Variants in ANXA4 observed in about 807,000 individuals in gnomAD.
The protein encoded by ANXA4 is annexin A4.
A neutral mutation model predicts 49.8 loss-of-function variants in ANXA4; 39 were observed. That is an observed-to-expected ratio of 0.78 (90% CI 0.61 to 1.02). The LOEUF is 1.02. ANXA4 is among the 50% of genes least tolerant of loss of function. The pLI, the probability that ANXA4 is intolerant of heterozygous loss-of-function variation, is 0.00. For missense variants in ANXA4, 360 were observed against 410.1 expected (o/e 0.88, Z 1.05); for synonymous variants, 134 against 152.5 (o/e 0.88, Z 0.89).
intron 2 of ANXA4, among the ~76,000 whole-genome samples, chr2:69,676,754 G>T (rs1012816613): frequency 6.6e-6 from 1 of 152,088 alleles, no homozygotes; most frequent in African/African-American, 2.4e-5. Context: ...TTAGCTGGGC[G>T]TGGTGGCGCA....
At chr2:69,714,778 G>C (rs556667664) in intron 2 of ANXA4, among the ~76,000 whole-genome samples, 1 of 152,318 alleles carries the variant, frequency 6.6e-6, no homozygotes, top group South Asian at 2.1e-4. Context: ...CGTTGGGCAG[G>C]TCTAGGTTCA....
At chr2:69,702,938 A>C (rs938853730) in intron 2 of ANXA4, among the ~76,000 whole-genome samples, 1 of 152,226 alleles carries the variant, frequency 6.6e-6, no homozygotes, top group Non-Finnish European at 1.5e-5. Context: ...TCATAACAGT[A>C]TTATAAATAA....
chr2:69,652,358 C>T (rs1488831079), intron 1 of ANXA4, among the ~76,000 whole-genome samples: 3 of 152,212 alleles, frequency 2.0e-5, no homozygotes. Flanking sequence ...AGAATCTTCT[C>T]ATAAACCTAT....
At chr2:69,648,653 G>A (rs201442818) in intron 1 of ANXA4, among the ~76,000 whole-genome samples, 10 of 151,732 alleles carry the variant, frequency 6.6e-5, no homozygotes, top group Admixed American at 3.9e-4. Flanking sequence ...GTGAAACCCC[G>A]TCTCTATTAA....
rs13405663 is a variant in ANXA4, at chr2:69,730,014, G to A, written n.864+9143G>A. Among the ~76,000 whole-genome samples the A allele has an allele frequency of 1.8e-3, 271 of 152,248 alleles. 1 individual carries two copies. The highest frequency in any genetic ancestry group is 6.2e-3 in the African/African-American group (259 of 41,546). On this transcript the variant is annotated intron_variant and non_coding_transcript_variant, in intron 3 of 3. Transcript: ENST00000418066. ...TTCCAGGGTAACAGAGCTAGAGACC[G>A]TGCCCTTTATTCCCTGAAGATTTGC...
chr2:69,658,000 T>C (rs1195625781), intron 2 of ANXA4, among the ~76,000 whole-genome samples: 1 of 152,054 alleles, frequency 6.6e-6, no homozygotes, highest in Non-Finnish European at 1.5e-5. Context: ...TTCTTTGCAC[T>C]CCTGAAATAT....
chr2:69,709,566 C>T (rs1049257346), intron 2 of ANXA4, among the ~76,000 whole-genome samples: 9 of 152,156 alleles, frequency 5.9e-5, no homozygotes, highest in African/African-American at 2.2e-4. Flanking sequence ...AGTCACTGAA[C>T]GTAACATCAA....
chr2:69,660,197 C>G (rs1309761135), intron 2 of ANXA4, among the ~76,000 whole-genome samples: 1 of 152,142 alleles, frequency 6.6e-6, no homozygotes, highest in Admixed American at 6.6e-5. Context: ...AAAACCCAGA[C>G]CTGCTTTTCA....
intron 8 of ANXA4, 64 bp from the exon 9 acceptor site, chr2:69,816,037 A>G: frequency 1.5e-6 from 2 of 1,312,566 alleles, no homozygotes; most frequent in Non-Finnish European, 2.2e-6. Flanking sequence ...GCTTCTGGAA[A>G]TATTTGCCTG....
chr2:69,666,513 G>A (rs1355906245), intron 2 of ANXA4, among the ~76,000 whole-genome samples: 1 of 152,168 alleles, frequency 6.6e-6, no homozygotes, highest in Non-Finnish European at 1.5e-5. Context: ...AAAAGCATAT[G>A]TATGCAAAAA....
chr2:69,731,272 C>T (rs1198367277), intron 3 of ANXA4, among the ~76,000 whole-genome samples: 1 of 152,214 alleles, frequency 6.6e-6, no homozygotes, highest in Admixed American at 6.5e-5. Context: ...CCCTTCCCTT[C>T]TTGCATGAGG....
intron 7 of ANXA4, 72 bp downstream of exon 7, chr2:69,810,745 C>T (rs1345651937): frequency 8.0e-7 from 1 of 1,246,312 alleles, no homozygotes; most frequent in Non-Finnish European, 1.2e-6. Flanking sequence ...CAGCCTTTCT[C>T]ATCCTTTCAG....
intron 5 of ANXA4, 87 bp downstream of exon 5, chr2:69,806,585 C>T: frequency 4.6e-6 from 5 of 1,093,280 alleles, no homozygotes; most frequent in Non-Finnish European, 6.9e-6. Flanking sequence ...ATAAGAAAGA[C>T]ATGGAAGCAA....
Position 69,670,044 on chromosome 2 carries a change from C to T in ANXA4, n.766+16762C>T, listed in dbSNP as rs548460066. Among the ~76,000 whole-genome samples the T allele has an allele frequency of 2.0e-5, 3 of 152,158 alleles. No homozygotes were observed. In the East Asian group the frequency reaches 5.8e-4, roughly 29 times the overall value. ...GTCACAAACCTGTGTTTGCTGCACA[C>T]GTGTCTTATACACTAGAGACAGGGT... On this transcript the variant is annotated intron_variant and non_coding_transcript_variant, in intron 2 of 3. Coordinates refer to the ANXA4 transcript ENST00000418066.
chr2:69,800,186 C>T (rs1005229406), intron 3 of ANXA4, among the ~76,000 whole-genome samples: 5 of 152,224 alleles, frequency 3.3e-5, no homozygotes, highest in African/African-American at 1.2e-4. Flanking sequence ...TGCTGCTGCC[C>T]ATCTCTGAAG....
chr2:69,778,775 CAAAAAAAAA>C (rs58688910), intron 1 of ANXA4, among the ~76,000 whole-genome samples: 80 of 36,570 alleles, frequency 2.2e-3, no homozygotes, highest in Admixed American at 6.0e-3. Flanking sequence ...AACTCTGTCT[CAAAAAAAAA>C]AAAAAAAAAA....
chr2:69,652,858 C>G (rs1254395569), intron 1 of ANXA4: 2 of 152,144 alleles, frequency 1.3e-5, no homozygotes. Context: ...GATTTCGTCC[C>G]CCACAAAAAG....
chr2:69,725,418 A>G (rs901398172), intron 3 of ANXA4, among the ~76,000 whole-genome samples: 1 of 148,848 alleles, frequency 6.7e-6, no homozygotes, highest in Admixed American at 6.7e-5. Context: ...TATTATTTAT[A>G]TATTTATTTA....
chr2:69,825,307 A>T, intron 12 of ANXA4, 149 bp from the exon 13 acceptor site: 2 of 652,498 alleles, frequency 3.1e-6, no homozygotes, highest in South Asian at 2.0e-5. Flanking sequence ...TCTACACTGA[A>T]TAAGTATTAC....
Sources: gnomAD v4.1 joint callset for allele counts (sites outside exome capture counted in the v4.1 genomes callset) on GRCh38, gnomAD v4.1.1 for gene constraint, MANE v1.5 for transcripts, NCBI Gene and HGNC (gene_info 2026-07-23, HGNC 2026-07-21) for gene names.